CADPS2: variants seen among roughly 807,000 people sequenced by gnomAD.
CADPS2 encodes calcium-dependent secretion activator 2.
CADPS2 carries 93 observed loss-of-function variants against 172.5 expected under a neutral mutation model. That is an observed-to-expected ratio of 0.54 (90% confidence interval 0.46 to 0.64). CADPS2 has a LOEUF of 0.64. CADPS2 is among the 30% of genes least tolerant of loss of function. The probability of loss-of-function intolerance (pLI) is 0.00; values close to 1 mark genes in which losing one functional copy is unlikely to be tolerated. For synonymous variants in CADPS2, 546 were observed against 555.2 expected (o/e 0.98, Z 0.23); for missense variants, 1,420 against 1,565.9 (o/e 0.91, Z 1.57).
intron 1 of CADPS2, among the ~76,000 whole-genome samples, chr7:122,849,470 T>A (rs1033610789): frequency 6.6e-6 from 1 of 152,194 alleles, no homozygotes; most frequent in Admixed American, 6.5e-5. Context: ...GGACGTTTCC[T>A]TGGTAAAGTC....
At chr7:122,417,047 T>C (rs2048008190) in intron 17 of CADPS2, among the ~76,000 whole-genome samples, 1 of 152,206 alleles carries the variant, frequency 6.6e-6, no homozygotes, top group Non-Finnish European at 1.5e-5. Flanking sequence ...GAAAATCTAA[T>C]TTTCAGTAAA....
intron 6 of CADPS2, among the ~76,000 whole-genome samples, chr7:122,601,406 T>C (rs1326085650): frequency 6.6e-6 from 1 of 152,050 alleles, no homozygotes; most frequent in African/African-American, 2.4e-5. Flanking sequence ...ACCAGATCCA[T>C]CTTGCATTTT....
intron 2 of CADPS2, among the ~76,000 whole-genome samples, chr7:122,708,257 T>A (rs2136571806): frequency 6.6e-6 from 1 of 151,732 alleles, no homozygotes; most frequent in South Asian, 2.1e-4. Flanking sequence ...AGGTTCTCAA[T>A]AAAAGTTGAA....
At chr7:122,844,167 T>C (rs909981718) in intron 1 of CADPS2, among the ~76,000 whole-genome samples, 1 of 152,170 alleles carries the variant, frequency 6.6e-6, no homozygotes, top group Non-Finnish European at 1.5e-5. Context: ...GAGGTGAGAC[T>C]GAAGTTACAG....
At chr7:122,670,434 G>A (rs1041218621) in intron 2 of CADPS2, among the ~76,000 whole-genome samples, 2 of 151,154 alleles carry the variant, frequency 1.3e-5, no homozygotes, top group African/African-American at 4.9e-5. Flanking sequence ...AGCCAGGGGT[G>A]GTGACACATG....
chr7:122,617,616 G>C (rs1224731076), intron 5 of CADPS2, among the ~76,000 whole-genome samples: 2 of 152,150 alleles, frequency 1.3e-5, no homozygotes, highest in Non-Finnish European at 2.9e-5. Context: ...AGAGTTAGGA[G>C]ACATTTAAGC....
chr7:122,323,072 G>C (rs2032947185), intron 29 of CADPS2, among the ~76,000 whole-genome samples: 1 of 152,174 alleles, frequency 6.6e-6, no homozygotes, highest in African/African-American at 2.4e-5. Context: ...GCAAAACCAT[G>C]TAAGTTCTGA....
At chr7:122,439,667 TC>T (rs2051100641) in intron 16 of CADPS2, among the ~76,000 whole-genome samples, 1 of 83,734 alleles carries the variant, frequency 1.2e-5, no homozygotes, top group Admixed American at 1.5e-4. Context: ...TTTATCATTC[TC>T]TCTCTATCAA....
intron 7 of CADPS2, among the ~76,000 whole-genome samples, chr7:122,562,539 C>T (rs2429582): frequency 0.7 from 106,792 of 152,074 alleles, 37,956 homozygotes; most frequent in African/African-American, 0.81. Context: ...TTTTGAACTT[C>T]TGACTTCAGA....
chr7:122,640,977 C>T (rs948896325), intron 3 of CADPS2, among the ~76,000 whole-genome samples: 1 of 151,252 alleles, frequency 6.6e-6, no homozygotes, highest in Non-Finnish European at 1.5e-5. Flanking sequence ...ATCCTAGTGC[C>T]GGATTTAGGC....
At chr7:122,328,132 G>GACACACACAC (rs71159790) in intron 28 of CADPS2, among the ~76,000 whole-genome samples, 4,786 of 145,620 alleles carry the variant, frequency 0.033, 133 homozygotes, top group African/African-American at 0.062. Context: ...GTAAAATGCA[G>GACACACACAC]ACACACACAC....
At chr7:122,798,755 G>A (rs1796938775) in intron 1 of CADPS2, among the ~76,000 whole-genome samples, 1 of 151,912 alleles carries the variant, frequency 6.6e-6, no homozygotes, top group Non-Finnish European at 1.5e-5. Context: ...TGTTCCAGAA[G>A]GAAAATAAAA....
At chr7:122,504,168 CTCATT>C (rs2059434980) in intron 9 of CADPS2, among the ~76,000 whole-genome samples, 1 of 152,070 alleles carries the variant, frequency 6.6e-6, no homozygotes, top group Admixed American at 6.6e-5. Flanking sequence ...TCTTATATAT[CTCATT>C]TAATTTTTCT....
chr7:122,616,819 T>G (rs1040861657), intron 5 of CADPS2, among the ~76,000 whole-genome samples: 1 of 152,122 alleles, frequency 6.6e-6, no homozygotes, highest in Non-Finnish European at 1.5e-5. Context: ...GTTAGTAATA[T>G]GGAAATTTGT....
intron 2 of CADPS2, among the ~76,000 whole-genome samples, chr7:122,730,855 T>C (rs903647384): frequency 2.0e-5 from 3 of 151,738 alleles, no homozygotes; most frequent in Non-Finnish European, 4.4e-5. Flanking sequence ...TAAAAAGTGT[T>C]CTTAAAATAA....
chr7:122,500,153 A>G (rs933137382), intron 9 of CADPS2, among the ~76,000 whole-genome samples: 3 of 152,174 alleles, frequency 2.0e-5, no homozygotes, highest in African/African-American at 7.2e-5. Context: ...CCATTTCTAT[A>G]TATTTCTCAA....
At chr7:122,562,612 GCAA>G (rs1487537193) in intron 7 of CADPS2, among the ~76,000 whole-genome samples, 3 of 152,034 alleles carry the variant, frequency 2.0e-5, no homozygotes, top group Non-Finnish European at 2.9e-5. Flanking sequence ...TGTTGCAGCA[GCAA>G]CAAGAAACTA....
intron 2 of CADPS2, chr7:122,699,232 T>G (rs2085645134): frequency 4.3e-6 from 1 of 231,522 alleles, no homozygotes; most frequent in Non-Finnish European, 8.5e-6. Context: ...ACTGTGAATT[T>G]ATTGGCTTAA....
rs114478937 is a variant in CADPS2, at chr7:122,777,817, T to G, written c.340-40749A>C. On this transcript the variant is annotated intron_variant, in intron 1 of 29. Coordinates refer to ENST00000449022, the MANE Select transcript of CADPS2 (RefSeq NM_017954.11). ...TGTGGAACTGTGAATCAATTAAACCTCTCTCCTTTATAAATTACCCAGTCT... is the reference window on the plus strand; with the variant it reads ...TGTGGAACTGTGAATCAATTAAACCGCTCTCCTTTATAAATTACCCAGTCT... Among the ~76,000 whole-genome samples the G allele has an allele frequency of 4.1e-3, 629 of 152,210 alleles. 4 individuals are homozygous for G. Among genetic ancestry groups the G allele is most frequent in the African/African-American group, 0.014 (583 of 41,536 alleles).
Sources: gnomAD v4.1 joint callset for allele counts (sites outside exome capture counted in the v4.1 genomes callset) on GRCh38, gnomAD v4.1.1 for gene constraint, MANE v1.5 for transcripts, NCBI Gene and HGNC (gene_info 2026-07-23, HGNC 2026-07-21) for gene names.